The following TCF12 variants were observed in gnomAD, a reference collection of about 807,000 sequenced individuals.
The protein encoded by TCF12 is transcription factor 12.
TCF12 carries 45 observed loss-of-function variants against 86.0 expected under a neutral mutation model. The observed-to-expected ratio is 0.52, with a 90% confidence interval of 0.41 to 0.67. TCF12 has a LOEUF of 0.67. Among genes scored for constraint, TCF12 ranks in the 30% least tolerant of loss-of-function variants. The probability of loss-of-function intolerance (pLI) is 0.00; values close to 1 mark genes in which losing one functional copy is unlikely to be tolerated. For missense variants in TCF12, 881 were observed against 859.9 expected, an observed-to-expected ratio of 1.02 and a Z score of -0.31; for synonymous variants, 330 against 299.6, an observed-to-expected ratio of 1.10 and a Z score of -1.05.
intron 3 of TCF12, among the ~76,000 whole-genome samples, chr15:57,052,529 C>T (rs772728948): frequency 2.0e-5 from 3 of 150,220 alleles, no homozygotes; most frequent in Non-Finnish European, 4.4e-5. Flanking sequence ...CCCAGCTACT[C>T]GGGAGGCTGA....
At chr15:57,003,630 G>A (rs961230878) in intron 3 of TCF12, among the ~76,000 whole-genome samples, 1 of 152,166 alleles carries the variant, frequency 6.6e-6, no homozygotes, top group Non-Finnish European at 1.5e-5. Context: ...AAGCCTATTC[G>A]TTGTCTGCTG....
rs1467417418 is a variant in TCF12, at chr15:56,973,440, A to G, written c.148+52342A>G. Among the ~76,000 whole-genome samples the G allele has an allele frequency of 3.3e-5, 5 of 152,140 alleles. No individual in the cohort carries two copies. The East Asian group carries it at 9.6e-4, about 29-fold the overall frequency. On this transcript the variant is annotated intron_variant, in intron 3 of 20. Coordinates refer to ENST00000333725, the MANE Select transcript of TCF12 (RefSeq NM_207037.2). ...TGTGCTACTGTCAGCATCAAAATAA[A>G]TAATAATAGTGATGGCTTATAACAT...
At chr15:56,946,615 G>T (rs2061008126) in intron 3 of TCF12, among the ~76,000 whole-genome samples, 1 of 151,958 alleles carries the variant, frequency 6.6e-6, no homozygotes, top group Non-Finnish European at 1.5e-5. Context: ...TGCTGCACAT[G>T]CCTTGTAGAT....
intron 3 of TCF12, among the ~76,000 whole-genome samples, chr15:57,060,313 A>C (rs1363018797): frequency 6.6e-6 from 1 of 152,214 alleles, no homozygotes; most frequent in Non-Finnish European, 1.5e-5. Flanking sequence ...TACTAAGTTA[A>C]AACAGCATGC....
At chr15:57,065,325 A>G (rs1161398322) in intron 4 of TCF12, among the ~76,000 whole-genome samples, 1 of 152,174 alleles carries the variant, frequency 6.6e-6, no homozygotes, top group Non-Finnish European at 1.5e-5. Flanking sequence ...TAGCTATTTA[A>G]TCTTGGACGC....
rs143626916 is a variant in TCF12 at position 57,075,835 on chromosome 15, T to TTTTCTTTC, written c.222+12033_222+12040dup. On this transcript the variant is annotated intron_variant, in intron 4 of 20. Transcript: ENST00000333725. ...CTCTCTCTCTCTCTCTCTCTCTCTCTTTTCTTTCTTTCTTTCTTTCTTTCT... is the reference window on the plus strand; with the variant it reads ...CTCTCTCTCTCTCTCTCTCTCTCTCTTTTCTTTCTTTCTTTCTTTCTTTCTTTCTTTCT... 1.3e-3 allele frequency among the ~76,000 whole-genome samples: 63 copies of TTTTCTTTC among 50,006 alleles called. 5 individuals are homozygous for TTTTCTTTC. Among genetic ancestry groups the TTTTCTTTC allele is most frequent in the African/African-American group, 3.8e-3 (39 of 10,350 alleles). 32.8% of individuals were successfully genotyped at this position (50,006 alleles called of 152,430 possible).
chr15:56,932,950 G>A (rs4774245), intron 3 of TCF12, among the ~76,000 whole-genome samples: 50,335 of 152,040 alleles, frequency 0.33, 9,898 homozygotes, highest in African/African-American at 0.53. Context: ...AATATAAATA[G>A]CTACAACCTC....
At chr15:57,048,555 C>A (rs538785447) in intron 3 of TCF12, among the ~76,000 whole-genome samples, 1 of 152,160 alleles carries the variant, frequency 6.6e-6, no homozygotes, top group Non-Finnish European at 1.5e-5. Context: ...GCCGCTGCAC[C>A]CAGCCTCCTC....
chr15:57,054,161 A>C (rs1175100566), intron 3 of TCF12, among the ~76,000 whole-genome samples: 2 of 152,198 alleles, frequency 1.3e-5, no homozygotes, highest in African/African-American at 4.8e-5. Flanking sequence ...TCATTATAGG[A>C]ATTAATGGTC....
rs1243246839 is a variant in TCF12, at chr15:57,234,122, T to G, written c.1035+15T>G. ...CTTTGGCATCTGTGAGTATTGATTT[T>G]ACACATTCTACTGAATGAATTTTAC... is the stretch of plus-strand genomic sequence containing the variant. On this transcript the variant is annotated intron_variant, in intron 12 of 20. Transcript: ENST00000333725. 6.2e-7 allele frequency: 1 copy of G among 1,605,982 alleles called. No individual in the cohort carries two copies. Among genetic ancestry groups the G allele is most frequent in the East Asian group, 2.2e-5 (1 of 44,762 alleles).
intron 3 of TCF12, among the ~76,000 whole-genome samples, chr15:56,994,308 T>C (rs2063593377): frequency 6.6e-6 from 1 of 152,082 alleles, no homozygotes; most frequent in Admixed American, 6.5e-5. Flanking sequence ...TTTTTAGACA[T>C]CCAGGTTGTA....
chr15:56,999,644 C>T (rs1332531562), intron 3 of TCF12, among the ~76,000 whole-genome samples: 3 of 152,060 alleles, frequency 2.0e-5, no homozygotes, highest in South Asian at 2.1e-4. Flanking sequence ...GAGGGCAACA[C>T]GAGGGGATCA....
chr15:56,991,831 A>C lies in TCF12; in HGVS notation c.148+70733A>C, dbSNP rs7176189. On this transcript the variant is annotated intron_variant, in intron 3 of 20. Coordinates refer to ENST00000333725, the MANE Select transcript of TCF12 (RefSeq NM_207037.2). ...AGGGAAATAATTATCATCATTGATT[A>C]ATACATTGTACAAGGGTTAACTGTC... Among the ~76,000 whole-genome samples, 1,346 of 152,306 alleles carry C rather than the reference A, an allele frequency of 8.8e-3. 13 individuals carry two copies. The highest frequency in any genetic ancestry group is 0.027 in the African/African-American group (1,141 of 41,560).
chr15:56,992,080 C>T (rs1466918391), intron 3 of TCF12, among the ~76,000 whole-genome samples: 1 of 150,320 alleles, frequency 6.7e-6, no homozygotes, highest in Non-Finnish European at 1.5e-5. Flanking sequence ...ACAGTGAGAT[C>T]GTGTCTCTAC....
At chr15:56,920,684 A>G (rs1266270140) in intron 2 of TCF12, among the ~76,000 whole-genome samples, 1 of 152,142 alleles carries the variant, frequency 6.6e-6, no homozygotes, top group Non-Finnish European at 1.5e-5. Flanking sequence ...TTAATGGGCC[A>G]TAATTCTGAC....
intron 5 of TCF12, among the ~76,000 whole-genome samples, chr15:57,128,219 C>T (rs1310824105): frequency 3.3e-5 from 5 of 152,152 alleles, no homozygotes; most frequent in African/African-American, 9.7e-5. Flanking sequence ...TACTGTACAT[C>T]TATAAACATG....
At chr15:57,012,140 A>G (rs747358843) in intron 3 of TCF12, among the ~76,000 whole-genome samples, 3 of 152,220 alleles carry the variant, frequency 2.0e-5, no homozygotes, top group Non-Finnish European at 2.9e-5. Flanking sequence ...GAATACTTAC[A>G]TGGGGAATTT....
chr15:57,245,157 T>A (rs1442985169), intron 13 of TCF12, among the ~76,000 whole-genome samples: 1 of 152,260 alleles, frequency 6.6e-6, no homozygotes, highest in East Asian at 1.9e-4. Context: ...CTTTTTGCAC[T>A]GTGGCCCTGG....
At chr15:57,037,117 G>T (rs900174893) in intron 3 of TCF12, among the ~76,000 whole-genome samples, 1 of 152,144 alleles carries the variant, frequency 6.6e-6, no homozygotes, top group Non-Finnish European at 1.5e-5. Flanking sequence ...AGAAAATTAA[G>T]GTGGTTTGAA....
Sources: allele counts gnomAD v4.1 joint callset (sites outside exome capture counted in the v4.1 genomes callset), GRCh38; gene constraint gnomAD v4.1.1; transcripts MANE v1.5; gene names NCBI Gene and HGNC (gene_info 2026-07-23, HGNC 2026-07-21).